The following OR2L13 variants were observed in gnomAD, a reference collection of about 807,000 sequenced individuals.
OR2L13 encodes olfactory receptor family 2 subfamily L member 13.
In OR2L13, 14 loss-of-function variants were observed where a neutral mutation model predicts 15.3. The observed-to-expected ratio is 0.91, with a 90% CI of 0.60 to 1.43. The LOEUF (loss-of-function observed/expected upper bound fraction) is 1.43, where lower values mean the gene tolerates loss of function less well. OR2L13 is among the 40% of genes most tolerant of loss of function. The pLI, the probability that OR2L13 is intolerant of heterozygous loss-of-function variation, is 0.00. For missense variants in OR2L13, 367 were observed against 387.9 expected (o/e 0.95, Z 0.45); for synonymous variants, 152 against 142.9 (o/e 1.06, Z -0.45).
the OR2L13 span, among the ~76,000 whole-genome samples, chr1:248,057,937 T>G: frequency 6.6e-6 from 1 of 152,220 alleles, no homozygotes; most frequent in East Asian, 1.9e-4. Context: ...TAGTTCTTTC[T>G]TTTGAAATAA....
chr1:248,078,134 G>C, the OR2L13 span, among the ~76,000 whole-genome samples: 7 of 152,158 alleles, frequency 4.6e-5, no homozygotes, highest in Non-Finnish European at 8.8e-5. Context: ...AGTGCCAAGT[G>C]CTAAATAAGA....
At chr1:248,001,464 AAAGT>A in the OR2L13 span, among the ~76,000 whole-genome samples, 7 of 151,998 alleles carry the variant, frequency 4.6e-5, no homozygotes, top group Non-Finnish European at 7.4e-5. Context: ...TAGTGAAAAG[AAAGT>A]AAAAGCAAGT....
chr1:248,029,884 A>G, the OR2L13 span, among the ~76,000 whole-genome samples: 5 of 152,344 alleles, frequency 3.3e-5, no homozygotes, highest in East Asian at 9.6e-4. Flanking sequence ...GCCTTGAAAC[A>G]TCTAAATACA....
chr1:247,944,288 T>C, the OR2L13 span, among the ~76,000 whole-genome samples: 4 of 152,140 alleles, frequency 2.6e-5, no homozygotes, highest in Admixed American at 6.5e-5. Context: ...CTTTATTATT[T>C]TTTTAATAAT....
At chr1:248,061,462 C>T in the OR2L13 span, 4 of 1,614,030 alleles carry the variant, frequency 2.5e-6, no homozygotes, top group Non-Finnish European at 3.4e-6. Context: ...TTATCTACGT[C>T]CAAGATCCCT....
At chr1:247,998,682 A>G in the OR2L13 span, among the ~76,000 whole-genome samples, 3 of 152,308 alleles carry the variant, frequency 2.0e-5, no homozygotes, top group East Asian at 5.8e-4. Context: ...TTTTCTTAAA[A>G]GAAGGACCTT....
At chr1:247,954,117 C>G in the OR2L13 span, among the ~76,000 whole-genome samples, 4 of 152,020 alleles carry the variant, frequency 2.6e-5, no homozygotes, top group Non-Finnish European at 4.4e-5. Flanking sequence ...TTTCCTATAC[C>G]TGGGCAGAAA....
chr1:247,948,959 C>G, the OR2L13 span: 1 of 1,613,898 alleles, frequency 6.2e-7, no homozygotes. Context: ...TTTTCATTTT[C>G]CTGATGGCTC....
At chr1:248,057,250 C>G in the OR2L13 span, among the ~76,000 whole-genome samples, 3 of 152,170 alleles carry the variant, frequency 2.0e-5, no homozygotes, top group Middle Eastern at 3.4e-3. Context: ...AAGTCTCTCA[C>G]TATTATTGTG....
At chr1:248,089,191 T>C in the OR2L13 span, among the ~76,000 whole-genome samples, 1 of 152,140 alleles carries the variant, frequency 6.6e-6, no homozygotes, top group African/African-American at 2.4e-5. Context: ...AATGCTACCC[T>C]TGCTATTATA....
the OR2L13 span, chr1:248,061,411 C>T: frequency 3.7e-6 from 6 of 1,614,136 alleles, no homozygotes; most frequent in Admixed American, 8.3e-5. Context: ...CAGCACCCAC[C>T]TCACTGTAGT....
At chr1:248,027,499 G>A in the OR2L13 span, among the ~76,000 whole-genome samples, 1 of 152,080 alleles carries the variant, frequency 6.6e-6, no homozygotes, top group Admixed American at 6.5e-5. Context: ...AAACTTGCTG[G>A]TTTTACAGTT....
At chr1:248,028,504 C>T in the OR2L13 span, among the ~76,000 whole-genome samples, 6 of 152,206 alleles carry the variant, frequency 3.9e-5, no homozygotes, top group Non-Finnish European at 8.8e-5. Flanking sequence ...ATCTGTTTGA[C>T]TTAATGAATA....
chr1:247,954,329 AC>A, the OR2L13 span, among the ~76,000 whole-genome samples: 2 of 152,214 alleles, frequency 1.3e-5, no homozygotes, highest in Non-Finnish European at 2.9e-5. Context: ...TTCAGTACTT[AC>A]AGCATGGTAA....
chr1:247,983,734 T>C, the OR2L13 span, among the ~76,000 whole-genome samples: 34 of 152,172 alleles, frequency 2.2e-4, no homozygotes, highest in Admixed American at 3.9e-4. Flanking sequence ...TCAAGAGATA[T>C]TGTAACATCA....
the OR2L13 span, among the ~76,000 whole-genome samples, chr1:247,993,339 G>GTTT: frequency 8.1e-6 from 1 of 123,320 alleles, no homozygotes; most frequent in African/African-American, 4.2e-5. Flanking sequence ...CTGTTTCCTC[G>GTTT]TTGTTTTTTT....
the OR2L13 span, among the ~76,000 whole-genome samples, chr1:247,959,420 C>T: frequency 6.6e-6 from 1 of 152,060 alleles, no homozygotes; most frequent in Non-Finnish European, 1.5e-5. Flanking sequence ...ATTTGCTTTT[C>T]TTGGAGTTGC....
chr1:247,966,139 A>C, the OR2L13 span: 4 of 1,613,622 alleles, frequency 2.5e-6, no homozygotes, highest in South Asian at 3.3e-5. Context: ...CTATGCAACC[A>C]CTCTCTTTAC....
At chr1:248,065,498 T>C in the OR2L13 span, among the ~76,000 whole-genome samples, 1 of 151,688 alleles carries the variant, frequency 6.6e-6, no homozygotes, top group Non-Finnish European at 1.5e-5. Context: ...GTTAGTTACA[T>C]ATGTATACAT....
Sources: allele counts gnomAD v4.1 joint callset (sites outside exome capture counted in the v4.1 genomes callset), GRCh38; gene constraint gnomAD v4.1.1; transcripts MANE v1.5; gene names NCBI Gene and HGNC (gene_info 2026-07-23, HGNC 2026-07-21).